Variants in SLC44A1 observed in about 807,000 individuals in gnomAD.
SLC44A1 encodes choline transporter-like protein 1.
A neutral mutation model predicts 79.3 loss-of-function variants in SLC44A1; 26 were observed. The ratio of observed to expected loss-of-function variants is 0.33; its 90% CI spans 0.24 to 0.46. The LOEUF is 0.46. Ranked by LOEUF, SLC44A1 falls within the 20% of genes least tolerant of loss-of-function variation. The pLI is 1.00. For synonymous variants in SLC44A1, 263 were observed against 286.2 expected, an observed-to-expected ratio of 0.92 and a Z score of 0.82; for missense variants, 688 against 798.1, an observed-to-expected ratio of 0.86 and a Z score of 1.66.
intron 4 of SLC44A1, among the ~76,000 whole-genome samples, chr9:105,346,743 G>A (rs1827257558): frequency 6.6e-6 from 1 of 151,976 alleles, no homozygotes; most frequent in Admixed American, 6.6e-5. Flanking sequence ...TTCATGCTTA[G>A]CTTTTTAAAA....
At chr9:105,411,722 C>T (rs192666277) in intron 15 of SLC44A1, among the ~76,000 whole-genome samples, 19 of 152,130 alleles carry the variant, frequency 1.2e-4, no homozygotes, top group South Asian at 4.2e-4. Context: ...CCTTCAATTT[C>T]GGTTTGTCTA....
intron 1 of SLC44A1, among the ~76,000 whole-genome samples, chr9:105,249,278 G>C (rs1192215203): frequency 6.6e-6 from 1 of 152,164 alleles, no homozygotes. Flanking sequence ...CAGCTTTGTG[G>C]AGTTTGAAGT....
chr9:105,399,653 A>G (rs1184806351), downstream of SLC44A1, among the ~76,000 whole-genome samples: 1 of 152,352 alleles, frequency 6.6e-6, no homozygotes, highest in South Asian at 2.1e-4. Flanking sequence ...TTAAATTTTA[A>G]AAAGCATAAA....
Position 105,347,118 on chromosome 9 carries a change from A to G in SLC44A1, c.407-1240A>G, listed in dbSNP as rs181568644. On this transcript the variant is annotated intron_variant, in intron 4 of 15. Transcript: ENST00000374720. ...TTTTGTTGTGCCATTAAATCAAGCT[A>G]TATTCTTTTTTCTATGTTCCCTTCC... Among the ~76,000 whole-genome samples the G allele has an allele frequency of 3.1e-3, 470 of 152,160 alleles. 2 individuals carry two copies. Among genetic ancestry groups the G allele is most frequent in the Non-Finnish European group, 4.6e-3 (314 of 67,944 alleles).
chr9:105,258,330 T>G (rs559303035), intron 1 of SLC44A1, among the ~76,000 whole-genome samples: 82 of 152,322 alleles, frequency 5.4e-4, no homozygotes, highest in African/African-American at 1.7e-3. Flanking sequence ...AGAAAATGCT[T>G]TAAGTCATGA....
chr9:105,393,717 A>T lies in SLC44A1; in HGVS notation c.*4661A>T, dbSNP rs1828816475. The stretch of plus-strand genomic sequence containing the variant: ...TGCATGAACAATTGCCACTTTGTAA[A>T]TTATATGGACAGAATGTGTTCTAAG... On this transcript the variant is annotated 3_prime_UTR_variant, in exon 16 of 16. Coordinates refer to ENST00000374720, the MANE Select transcript of SLC44A1 (RefSeq NM_080546.5). 1 of 984,836 alleles carries T rather than the reference A, an allele frequency of 1.0e-6. No individual in the cohort carries two copies. The highest frequency in any genetic ancestry group is 1.2e-6 in the Non-Finnish European group (1 of 829,518). The allele number at this position is 984,836 out of a possible 1,614,324, so 61.0% of individuals were successfully genotyped here. A position where few individuals can be genotyped will look rare whatever the true frequency, so the allele number is the denominator to read the frequency against.
intron 12 of SLC44A1, among the ~76,000 whole-genome samples, chr9:105,374,017 G>A (rs888817641): frequency 2.0e-5 from 3 of 152,204 alleles, no homozygotes; most frequent in Non-Finnish European, 4.4e-5. Context: ...GACAGGGAAT[G>A]GGGTAAGACT....
At chr9:105,287,233 A>T (rs538234190) in intron 1 of SLC44A1, among the ~76,000 whole-genome samples, 1 of 152,338 alleles carries the variant, frequency 6.6e-6, no homozygotes, top group East Asian at 1.9e-4. Flanking sequence ...TCAAAACATC[A>T]TGTTGTACAC....
At chr9:105,315,154 A>G (rs1180966610) in intron 3 of SLC44A1, among the ~76,000 whole-genome samples, 1 of 152,084 alleles carries the variant, frequency 6.6e-6, no homozygotes, top group Non-Finnish European at 1.5e-5. Context: ...TTTGAAAGGC[A>G]CCAAAGCCCT....
At chr9:105,398,190 G>A (rs1400788937), downstream of SLC44A1, among the ~76,000 whole-genome samples, 1 of 152,186 alleles carries the variant, frequency 6.6e-6, no homozygotes, top group East Asian at 1.9e-4. Flanking sequence ...TGTTAGGGAC[G>A]AAGGAAGGGA....
chr9:105,364,611 C>G lies in SLC44A1; in HGVS notation c.1144C>G (p.Gln382Glu). ...GGAGTTCAAAATTTCTGGGCCTCTG[C>G]AGTACATGTGGTGGTACCATGTGGT... is the stretch of plus-strand genomic sequence containing the variant. The part of the protein sequence containing the change: ...FVEFKISGPL[Q>E]YMWWYHVVGL... Residue 382 changes from glutamine (Q) to glutamate (E), a missense_variant, in exon 10 of 16, where the codon CAG (glutamine) becomes GAG (glutamate). Coordinates refer to ENST00000374720, the MANE Select transcript of SLC44A1 (RefSeq NM_080546.5). 1 of 1,613,958 alleles carries G rather than the reference C, an allele frequency of 6.2e-7. No homozygotes were observed. The highest frequency in any genetic ancestry group is 1.1e-5 in the South Asian group (1 of 91,066).
intron 13 of SLC44A1, among the ~76,000 whole-genome samples, chr9:105,376,813 G>A (rs995191396): frequency 6.6e-6 from 1 of 152,194 alleles, no homozygotes; most frequent in Non-Finnish European, 1.5e-5. Flanking sequence ...CTTTTGTTAA[G>A]TGTTACATTT....
intron 15 of SLC44A1, among the ~76,000 whole-genome samples, chr9:105,427,789 T>C (rs1210280375): frequency 6.6e-6 from 1 of 152,228 alleles, no homozygotes; most frequent in African/African-American, 2.4e-5. Flanking sequence ...CAATCCTTTG[T>C]ACTAAAGTCT....
At chr9:105,320,875 CATCT>C (rs1448062257) in intron 3 of SLC44A1, among the ~76,000 whole-genome samples, 1 of 152,090 alleles carries the variant, frequency 6.6e-6, no homozygotes, top group Non-Finnish European at 1.5e-5. Flanking sequence ...GTTGACCATC[CATCT>C]GTTTTCTTTT....
At chr9:105,298,501 C>A (rs1278565536) in intron 1 of SLC44A1, among the ~76,000 whole-genome samples, 2 of 152,062 alleles carry the variant, frequency 1.3e-5, no homozygotes, top group Non-Finnish European at 2.9e-5. Context: ...TACAGCCCAC[C>A]ACCACGCCCA....
At chr9:105,409,872 A>C (rs1253661166) in intron 15 of SLC44A1, among the ~76,000 whole-genome samples, 1 of 152,210 alleles carries the variant, frequency 6.6e-6, no homozygotes, top group Non-Finnish European at 1.5e-5. Flanking sequence ...ACTAGACATA[A>C]TAGACATCTG....
chr9:105,321,533 A>G (rs1826393093), intron 3 of SLC44A1, among the ~76,000 whole-genome samples: 1 of 152,188 alleles, frequency 6.6e-6, no homozygotes, highest in African/African-American at 2.4e-5. Context: ...AAATCATAAT[A>G]AAAGAGATAA....
chr9:105,366,597 T>C (rs1175991799), intron 12 of SLC44A1, among the ~76,000 whole-genome samples, 168 bp downstream of exon 12: 2 of 152,222 alleles, frequency 1.3e-5, no homozygotes, highest in Non-Finnish European at 2.9e-5. Flanking sequence ...TTTAAATTAA[T>C]GTATATGCTT....
chr9:105,357,176 T>G (rs1219204889), intron 6 of SLC44A1: 2 of 152,212 alleles, frequency 1.3e-5, no homozygotes, highest in Admixed American at 1.3e-4. Flanking sequence ...ATTGAAATAA[T>G]GCTGTCCATA....
Sources: allele counts gnomAD v4.1 joint callset (sites outside exome capture counted in the v4.1 genomes callset), GRCh38; gene constraint gnomAD v4.1.1; transcripts MANE v1.5; gene names NCBI Gene and HGNC (gene_info 2026-07-23, HGNC 2026-07-21).